LINS1: variants seen among roughly 807,000 people sequenced by gnomAD.
LINS1 encodes lines homolog 1.
In LINS1, 27 loss-of-function variants were observed where a neutral mutation model predicts 41.6. That is an observed-to-expected ratio of 0.65 (90% CI 0.48 to 0.89). The LOEUF is 0.89. Among genes scored for constraint, LINS1 ranks in the 40% least tolerant of loss-of-function variants. The probability of loss-of-function intolerance (pLI) is 0.00; values close to 1 mark genes in which losing one functional copy is unlikely to be tolerated. For synonymous variants in LINS1, 336 were observed against 312.9 expected (o/e 1.07, Z -0.78); for missense variants, 955 against 884.1 (o/e 1.08, Z -1.02).
rs1422879805 is a variant in LINS1 at position 100,570,074 on chromosome 15, A to C, written c.1438T>G (p.Trp480Gly). 6.3e-7 allele frequency: 1 copy of C among 1,580,412 alleles called. No individual in the cohort carries two copies. Among genetic ancestry groups the C allele is most frequent in the Non-Finnish European group, 8.5e-7 (1 of 1,172,062 alleles). ...TESLTQGKEM[W>G]DHHTHENGYN... ...CCATTTTCATGTGTGTGATGGTCCC[A>C]CATTTCTTTTCCCTGAGTCAAGCTT... Residue 480 changes from tryptophan (W) to glycine (G), a missense_variant, in exon 7 of 7, where the codon TGG becomes GGG. Coordinates refer to ENST00000314742, the MANE Select transcript of LINS1 (RefSeq NM_001040616.3).
chr15:100,581,938 T>C (rs2038563772), intron 1 of LINS1, among the ~76,000 whole-genome samples: 2 of 152,246 alleles, frequency 1.3e-5, no homozygotes, highest in African/African-American at 4.8e-5. Context: ...AATAAAATCT[T>C]TGATACTTGG....
Position 100,570,159 on chromosome 15 carries a change from C to CA in LINS1, c.1395-43dup, listed in dbSNP as rs573988792. 1.9e-5 allele frequency: 27 copies of CA among 1,447,854 alleles called. No individual in the cohort carries two copies. The South Asian group carries it at 3.2e-4, about 17-fold the overall frequency. 89.7% of individuals were successfully genotyped at this position (1,447,854 alleles called of 1,614,324 possible). On this transcript the variant is annotated intron_variant, in intron 6 of 6. Transcript: ENST00000314742. ...TGGAGAATGCAGATTAATGACCTTACAAAAATAAACAGTTTTACCAGATAT... is the reference window on the plus strand; with the variant it reads ...TGGAGAATGCAGATTAATGACCTTACAAAAAATAAACAGTTTTACCAGATAT...
intron 5 of LINS1, chr15:100,572,848 A>C (rs1360832359): frequency 2.5e-6 from 2 of 802,066 alleles, no homozygotes; most frequent in African/African-American, 3.7e-5. Context: ...TATTAGCTTT[A>C]ATTCAATATC....
chr15:100,574,630 C>T (rs1596893652), intron 4 of LINS1, among the ~76,000 whole-genome samples: 1 of 152,230 alleles, frequency 6.6e-6, no homozygotes, highest in African/African-American at 2.4e-5. Context: ...ATCACTTGAA[C>T]TCGCAAGGCA....
At chr15:100,572,455 T>G (rs2037883622) in intron 5 of LINS1, 10 of 1,059,570 alleles carry the variant, frequency 9.4e-6, no homozygotes, top group Non-Finnish European at 1.1e-5. Flanking sequence ...CAAAAATAAT[T>G]TTGTCTTCAA....
At chr15:100,583,756 AAC>A (rs976251650) in intron 1 of LINS1, among the ~76,000 whole-genome samples, 2 of 152,174 alleles carry the variant, frequency 1.3e-5, no homozygotes, top group African/African-American at 4.8e-5. Context: ...TCCCATTATG[AAC>A]ACTCTCCCTA....
At chr15:100,600,734 T>A (rs142202163) in intron 1 of LINS1, among the ~76,000 whole-genome samples, 2,382 of 152,202 alleles carry the variant, frequency 0.016, 38 homozygotes, top group Non-Finnish European at 0.022. Flanking sequence ...CTGGGAAGTA[T>A]AATGGGACAA....
chr15:100,574,601 G>A (rs111976927), intron 4 of LINS1, among the ~76,000 whole-genome samples: 42,880 of 152,056 alleles, frequency 0.28, 7,604 homozygotes, highest in Non-Finnish European at 0.41. Flanking sequence ...CCAGCTACTC[G>A]GGAGGCTGAG....
chr15:100,600,733 A>G (rs1202931666), intron 1 of LINS1, among the ~76,000 whole-genome samples: 1 of 152,204 alleles, frequency 6.6e-6, no homozygotes, highest in Non-Finnish European at 1.5e-5. Context: ...GCTGGGAAGT[A>G]TAATGGGACA....
At chr15:100,586,266 C>T (rs980304316) in intron 1 of LINS1, 1 of 152,252 alleles carries the variant, frequency 6.6e-6, no homozygotes, top group Non-Finnish European at 1.5e-5. Context: ...GTTGTCCCAC[C>T]TTTCTGGACT....
At position 100,586,889 on chromosome 15, in the gene LINS1, C is replaced by T. The variant is rs549806245; in HGVS notation, c.-103-5944G>A. ...TATTGTAAAGAAATGTGGCCGGGTGCGGTGGCTCATGCCTGTAATCCCAGC... is the reference window on the plus strand; with the variant it reads ...TATTGTAAAGAAATGTGGCCGGGTGTGGTGGCTCATGCCTGTAATCCCAGC... On this transcript the variant is annotated intron_variant, in intron 1 of 6. Coordinates refer to ENST00000314742, the MANE Select transcript of LINS1 (RefSeq NM_001040616.3). Among the ~76,000 whole-genome samples, 71 of 152,130 alleles carry T rather than the reference C, an allele frequency of 4.7e-4. No individual in the cohort carries two copies. In the South Asian group the frequency reaches 0.013, roughly 29 times the overall value.
At chr15:100,586,125 T>C (rs2038790719) in intron 1 of LINS1, 2 of 152,340 alleles carry the variant, frequency 1.3e-5, no homozygotes, top group South Asian at 4.1e-4. Context: ...TTATTCAAAG[T>C]CATCCTTCTG....
chr15:100,572,112 A>C, intron 5 of LINS1, 47 bp from the exon 6 acceptor site: 1 of 1,608,600 alleles, frequency 6.2e-7, no homozygotes, highest in Non-Finnish European at 8.5e-7. Flanking sequence ...TTTATGAATG[A>C]ATGAATATCT....
At chr15:100,594,158 G>A (rs1368315381) in intron 1 of LINS1, among the ~76,000 whole-genome samples, 4 of 152,178 alleles carry the variant, frequency 2.6e-5, no homozygotes, top group African/African-American at 4.8e-5. Flanking sequence ...CACAATGTAA[G>A]TGATGTGTAA....
At chr15:100,589,538 G>A (rs1473012760) in intron 1 of LINS1, among the ~76,000 whole-genome samples, 1 of 152,206 alleles carries the variant, frequency 6.6e-6, no homozygotes, top group Non-Finnish European at 1.5e-5. Flanking sequence ...ACTCATGGAG[G>A]ACCAGGTTGG....
intron 1 of LINS1, chr15:100,597,041 C>T (rs1051421792): frequency 6.6e-6 from 1 of 152,232 alleles, no homozygotes; most frequent in Non-Finnish European, 1.5e-5. Context: ...TTCATCATGC[C>T]TGTCTGCGTA....
chr15:100,585,698 T>C (rs528545869), intron 1 of LINS1, among the ~76,000 whole-genome samples: 56 of 152,360 alleles, frequency 3.7e-4, no homozygotes, highest in African/African-American at 1.3e-3. Flanking sequence ...ACGTGTTTAT[T>C]TGTATGTACA....
intron 1 of LINS1, among the ~76,000 whole-genome samples, chr15:100,581,435 T>A (rs951077950): frequency 9.9e-5 from 15 of 152,226 alleles, no homozygotes; most frequent in Non-Finnish European, 5.9e-5. Context: ...TGAGAACCAC[T>A]GAGCTAATTC....
chr15:100,569,401 G>A lies in LINS1; in HGVS notation c.2111C>T (p.Ser704Phe), dbSNP rs1412081488. The A allele has an allele frequency of 3.7e-6, 6 of 1,614,154 alleles. No individual in the cohort carries two copies. Among genetic ancestry groups the A allele is most frequent in the Non-Finnish European group, 5.1e-6 (6 of 1,180,038 alleles). ...TATTCTGTAAAATATTCCCACTTCAGAGACGACATCATTTGGGGCTACTTC... is the reference window on the plus strand; with the variant it reads ...TATTCTGTAAAATATTCCCACTTCAAAGACGACATCATTTGGGGCTACTTC... The part of the protein sequence containing the change: ...DCEVAPNDVV[S>F]EVGIFYRIVK... The change falls in exon 7 of 7, where the codon TCT becomes TTT. Residue 704 changes from serine to phenylalanine, a missense_variant. Physicochemically the swap from Ser to Phe is radical, Grantham distance 155. Transcript: ENST00000314742.
Sources: allele counts gnomAD v4.1 joint callset (sites outside exome capture counted in the v4.1 genomes callset), GRCh38; gene constraint gnomAD v4.1.1; transcripts MANE v1.5; gene names NCBI Gene and HGNC (gene_info 2026-07-23, HGNC 2026-07-21).